RSRP1: variants seen among roughly 807,000 people sequenced by gnomAD.
The protein encoded by RSRP1 is arginine and serine rich protein 1, also known as arginine/serine-rich protein 1.
A neutral mutation model predicts 33.0 loss-of-function variants in RSRP1; 37 were observed. The observed-to-expected ratio is 1.12, with a 90% CI of 0.86 to 1.48. The LOEUF is 1.48. Among genes scored for constraint, RSRP1 ranks in the 40% most tolerant of loss-of-function variants. The pLI is 0.00. For missense variants in RSRP1, 402 were observed against 385.3 expected (o/e 1.04, Z -0.36); for synonymous variants, 167 against 158.7 (o/e 1.05, Z -0.40).
At chr1:25,336,826 G>T (rs1320602343) in intron 1 of RSRP1, among the ~76,000 whole-genome samples, 6 of 149,454 alleles carry the variant, frequency 4.0e-5, no homozygotes, top group South Asian at 2.1e-4. Context: ...TGGTAAGAAC[G>T]TGTCCATTTA....
rs1641187277 is a variant in RSRP1 at position 25,278,233 on chromosome 1, G to C, written c.-66-31204C>G. 1.5e-5 allele frequency among the ~76,000 whole-genome samples: 2 copies of C among 129,950 alleles called. 1 individual carries two copies. Among genetic ancestry groups the C allele is most frequent in the South Asian group, 4.8e-4 (2 of 4,164 alleles). 85.3% of individuals were successfully genotyped at this position (129,950 alleles called of 152,430 possible). A position where few individuals can be genotyped will look rare whatever the true frequency, so the allele number is the denominator to read the frequency against. On this transcript the variant is annotated intron_variant, in intron 1 of 1. Coordinates refer to the RSRP1 transcript ENST00000561867. ...AAGGCTGGCTGCAGATGTATGATTTGGCATAGAGAGGTGCCAGTTCCTGAG... is the reference window on the plus strand; with the variant it reads ...AAGGCTGGCTGCAGATGTATGATTTCGCATAGAGAGGTGCCAGTTCCTGAG...
rs1375968675 is a variant in RSRP1 at position 25,296,400 on chromosome 1, A to C, written c.-67+41578T>G. On this transcript the variant is annotated intron_variant, in intron 1 of 1. Coordinates refer to the RSRP1 transcript ENST00000561867. ...TAGCTGGGATTAGGGGCATGCCACC[A>C]TGCCCAGTTAATTTTTGTATTTTTA... 9.1e-5 allele frequency among the ~76,000 whole-genome samples: 11 copies of C among 120,856 alleles called. 2 individuals carry two copies. Among genetic ancestry groups the C allele is most frequent in the Admixed American group, 2.4e-4 (3 of 12,428 alleles). The allele number at this position is 120,856 out of a possible 152,430, so 79.3% of individuals were successfully genotyped here. A position where few individuals can be genotyped will look rare whatever the true frequency, so the allele number is the denominator to read the frequency against.
rs866663888 is a variant in RSRP1 at position 25,287,989 on chromosome 1, C to T, written c.-66-40960G>A. ...CCACCTGCCTAGGCCTCCCAAAGTA[C>T]TGGGATTACAGGCGTGAGCCACTGT... On this transcript the variant is annotated intron_variant, in intron 1 of 1. Transcript: ENST00000561867. Among the ~76,000 whole-genome samples the T allele has an allele frequency of 1.9e-4, 25 of 132,946 alleles. 7 individuals carry two copies. The highest frequency in any genetic ancestry group is 4.4e-4 in the Admixed American group (6 of 13,728). The allele number at this position is 132,946 out of a possible 152,430, so 87.2% of individuals were successfully genotyped here. A position where few individuals can be genotyped will look rare whatever the true frequency, so the allele number is the denominator to read the frequency against.
Position 25,247,367 on chromosome 1 carries a change from T to C in RSRP1, c.-125A>G, listed in dbSNP as rs1276284730. The C allele has an allele frequency of 5.2e-6, 1 of 193,142 alleles. No individual in the cohort carries two copies. Among genetic ancestry groups the C allele is most frequent in the African/African-American group, 2.3e-5 (1 of 42,980 alleles). The allele number at this position is 193,142 out of a possible 1,614,324, so 12.0% of individuals were successfully genotyped here. Reference sequence around the variant, plus strand: ...GAAAGGCTCAACAGACGCCTTCCTTTCGGAACGTAAGACGAAGTGGGGCTT... The same window carrying C: ...GAAAGGCTCAACAGACGCCTTCCTTCCGGAACGTAAGACGAAGTGGGGCTT... On this transcript the variant is annotated 5_prime_UTR_variant, in exon 1 of 5. Coordinates refer to ENST00000243189, the MANE Select transcript of RSRP1 (RefSeq NM_020317.5).
chr1:25,251,892 A>AT (rs58495891), upstream of RSRP1, among the ~76,000 whole-genome samples: 1,753 of 141,150 alleles, frequency 0.012, 12 homozygotes, highest in African/African-American at 0.033. Context: ...CCACATATAG[A>AT]TTTTTTTTTT....
chr1:25,269,322 G>A lies in RSRP1; in HGVS notation c.-66-22293C>T, dbSNP rs2478020. Among the ~76,000 whole-genome samples, 131 of 132,662 alleles carry A rather than the reference G, an allele frequency of 9.9e-4. 34 individuals are homozygous for A. The highest frequency in any genetic ancestry group is 4.0e-3 in the Middle Eastern group (1 of 248). The allele number at this position is 132,662 out of a possible 152,430, so 87.0% of individuals were successfully genotyped here. The stretch of plus-strand genomic sequence containing the variant: ...GAGTGGTGGGATGGGAACTCTAAGC[G>A]CGGCTTCCACTGCATGTGTGTTGCT... On this transcript the variant is annotated intron_variant, in intron 1 of 1. Coordinates refer to the RSRP1 transcript ENST00000561867.
rs144976193 is a variant in RSRP1, at chr1:25,332,712, A to G, written c.-67+5266T>C. On this transcript the variant is annotated intron_variant, in intron 1 of 1. Transcript: ENST00000561867. Reference sequence around the variant, plus strand: ...CCATGAAACTTGTATTCTAATGGAAAAAACAGAAAACAAACAGATATAGGA... The same window carrying G: ...CCATGAAACTTGTATTCTAATGGAAGAAACAGAAAACAAACAGATATAGGA... Among the ~76,000 whole-genome samples, 893 of 133,154 alleles carry G rather than the reference A, an allele frequency of 6.7e-3. 134 individuals are homozygous for G. Among genetic ancestry groups the G allele is most frequent in the African/African-American group, 0.022 (847 of 39,058 alleles). 87.4% of individuals were successfully genotyped at this position (133,154 alleles called of 152,430 possible).
Position 25,246,649 on chromosome 1 carries a change from G to A in RSRP1, c.315C>T (p.Tyr105=), listed in dbSNP as rs1360098478. The change falls in exon 2 of 5, where the codon TAC becomes TAT. Residue 105 remains tyrosine (Y), a synonymous_variant. Transcript: ENST00000243189. ...GGGACCGGTACCGCGAAGGAGACCG[G>A]TAGTATCTCCTGGTGAACCCGTAGC... ...ERRYGFTRRY[Y]RSPSRYRSRS... The A allele has an allele frequency of 1.2e-6, 2 of 1,614,038 alleles. No individual in the cohort carries two copies. The highest frequency in any genetic ancestry group is 1.7e-5 in the Admixed American group (1 of 60,026).
rs1186459031 is a variant in RSRP1 at position 25,269,635 on chromosome 1, C to G, written c.-66-22606G>C. On this transcript the variant is annotated intron_variant, in intron 1 of 1. Coordinates refer to the RSRP1 transcript ENST00000561867. ...CCTTGTGCTTTCTGTAGCAGGTGAC[C>G]TGCCTTGAAGATTTAAAGACAGAAT... 9.8e-5 allele frequency among the ~76,000 whole-genome samples: 13 copies of G among 132,724 alleles called. 3 individuals carry two copies. Among genetic ancestry groups the G allele is most frequent in the African/African-American group, 2.6e-4 (10 of 38,896 alleles). The allele number at this position is 132,724 out of a possible 152,430, so 87.1% of individuals were successfully genotyped here.
chr1:25,246,602 G>C lies in RSRP1; in HGVS notation c.362C>G (p.Ser121Cys), dbSNP rs1355647031. The C allele has an allele frequency of 1.9e-6, 3 of 1,614,124 alleles. No individual in the cohort carries two copies. The highest frequency in any genetic ancestry group is 1.7e-6 in the Non-Finnish European group (2 of 1,180,032). ...YRSRSRSRSR[S>C]RGRSYCGRAY... ...CCTTCCGCAGTACGACCTTCCCCGA[G>C]AGCGCGACCTGCTACGGGACCGGGA... Residue 121 changes from serine to cysteine, a missense_variant, in exon 2 of 5, where the codon TCT becomes TGT. Transcript: ENST00000243189.
At chr1:25,296,253 TTTTC>T (rs1642948495) in intron 1 of RSRP1, among the ~76,000 whole-genome samples, 4 of 127,966 alleles carry the variant, frequency 3.1e-5, no homozygotes, top group African/African-American at 8.0e-5. Context: ...CTTTTTTTTT[TTTTC>T]TTTGAGACAG....
chr1:25,307,243 G>A lies in RSRP1; in HGVS notation c.-67+30735C>T, dbSNP rs1393975172. Among the ~76,000 whole-genome samples the A allele has an allele frequency of 2.5e-4, 33 of 132,312 alleles. 6 individuals are homozygous for A. Among genetic ancestry groups the A allele is most frequent in the African/African-American group, 8.6e-4 (33 of 38,494 alleles). 86.8% of individuals were successfully genotyped at this position (132,312 alleles called of 152,430 possible). ...ACAACCCATCCCTGAGGCCCAGAGA[G>A]GGGTGGGCCTTGGCTGAGGTCTCAC... On this transcript the variant is annotated intron_variant, in intron 1 of 1. Coordinates refer to the RSRP1 transcript ENST00000561867.
At position 25,307,582 on chromosome 1, in the gene RSRP1, C is replaced by T. The variant is rs1396174508; in HGVS notation, c.-67+30396G>A. 15 of 713,492 alleles carry T rather than the reference C, an allele frequency of 2.1e-5. No individual in the cohort carries two copies. In the Admixed American group the frequency reaches 3.5e-4, roughly 17 times the overall value. 44.2% of individuals were successfully genotyped at this position (713,492 alleles called of 1,614,324 possible). ...TATGCATTATCTCCTTGAATTCTCA[C>T]AACCGCCTACTGAGGTATTCTCAGA... On this transcript the variant is annotated intron_variant, in intron 1 of 1. Transcript: ENST00000561867.
intron 1 of RSRP1, among the ~76,000 whole-genome samples, chr1:25,312,999 C>G (rs181323167): frequency 9.6e-6 from 1 of 104,006 alleles, no homozygotes; most frequent in East Asian, 2.5e-4. Context: ...GAAGGACATG[C>G]ATTTTGGGGG....
At chr1:25,254,712 G>A (rs1639895351) in intron 1 of RSRP1, among the ~76,000 whole-genome samples, 1 of 152,198 alleles carries the variant, frequency 6.6e-6, no homozygotes, top group African/African-American at 2.4e-5. Flanking sequence ...GGGATTACAG[G>A]CGTGAGCCAC....
At position 25,260,620 on chromosome 1, in the gene RSRP1, A is replaced by T. The variant is rs2517982; in HGVS notation, c.-66-13591T>A. On this transcript the variant is annotated intron_variant, in intron 1 of 1. Coordinates refer to the RSRP1 transcript ENST00000561867. Reference sequence around the variant, plus strand: ...CATAACAGCAGCTTAAACTGTTGTTAAGCCACTCAGACTTAAACAACAGAA... The same window carrying T: ...CATAACAGCAGCTTAAACTGTTGTTTAGCCACTCAGACTTAAACAACAGAA... Among the ~76,000 whole-genome samples the T allele has an allele frequency of 3.7e-3, 562 of 152,250 alleles. 1 individual carries two copies. Among genetic ancestry groups the T allele is most frequent in the Non-Finnish European group, 6.4e-3 (434 of 68,016 alleles).
chr1:25,245,001 T>A, intron 3 of RSRP1, 149 bp downstream of exon 3: 1 of 1,538,866 alleles, frequency 6.5e-7, no homozygotes. Context: ...GGGTTTGACA[T>A]TGCCTATCTT....
rs766794964 is a variant in RSRP1, at chr1:25,272,552, G to T, written c.-66-25523C>A. 4 of 1,579,736 alleles carry T rather than the reference G, an allele frequency of 2.5e-6. No individual in the cohort carries two copies. The Admixed American group carries it at 6.8e-5, about 27-fold the overall frequency. ...CTGCACAGAGACGGACACAGGATGA[G>T]CTCTAAGTACCCGCGGTCTGTCCGG... On this transcript the variant is annotated intron_variant, in intron 1 of 1. Transcript: ENST00000561867.
chr1:25,307,693 G>A (rs1643921464), intron 1 of RSRP1: 2 of 1,307,364 alleles, frequency 1.5e-6, no homozygotes, highest in Non-Finnish European at 2.1e-6. Flanking sequence ...AGCAGGTGAT[G>A]AGGAGCTGAT....
Sources: gnomAD v4.1 joint callset for allele counts (sites outside exome capture counted in the v4.1 genomes callset) on GRCh38, gnomAD v4.1.1 for gene constraint, MANE v1.5 for transcripts, NCBI Gene and HGNC (gene_info 2026-07-23, HGNC 2026-07-21) for gene names.